The following GNAQ variants were observed in gnomAD, a reference collection of about 807,000 sequenced individuals.
GNAQ encodes the protein guanine nucleotide-binding protein G(q) subunit alpha.
In GNAQ, 8 loss-of-function variants were observed where a neutral mutation model predicts 43.9. The ratio of observed to expected loss-of-function variants is 0.18; its 90% CI spans 0.11 to 0.33. The LOEUF (loss-of-function observed/expected upper bound fraction) is 0.33. Among genes scored for constraint, GNAQ ranks in the 10% least tolerant of loss-of-function variants. The pLI is 1.00. For synonymous variants in GNAQ, 155 were observed against 170.7 expected (o/e 0.91, Z 0.71); for missense variants, 158 against 450.8 (o/e 0.35, Z 5.88).
intron 3 of GNAQ, among the ~76,000 whole-genome samples, chr9:77,810,936 G>A (rs1005036913): frequency 1.3e-5 from 2 of 152,162 alleles, no homozygotes; most frequent in African/African-American, 4.8e-5. Flanking sequence ...GGGTCTTAAA[G>A]GATGAATAGG....
At chr9:78,027,333 A>G (rs958197019) in intron 1 of GNAQ, among the ~76,000 whole-genome samples, 3 of 152,168 alleles carry the variant, frequency 2.0e-5, no homozygotes, top group African/African-American at 7.2e-5. Flanking sequence ...GCAGGAGGGT[A>G]ATAAATAAAT....
chr9:77,822,002 A>C (rs374535808), intron 2 of GNAQ, among the ~76,000 whole-genome samples: 2 of 152,202 alleles, frequency 1.3e-5, no homozygotes, highest in East Asian at 1.9e-4. Context: ...GGTATTTGAC[A>C]AATGGATTCT....
intron 2 of GNAQ, among the ~76,000 whole-genome samples, chr9:77,909,604 C>G (rs564430417): frequency 3.9e-5 from 6 of 151,962 alleles, no homozygotes; most frequent in Admixed American, 2.6e-4. Context: ...TACTGCTCAT[C>G]TCAGCGGGGA....
At chr9:77,807,597 C>T (rs897894180) in intron 3 of GNAQ, among the ~76,000 whole-genome samples, 8 of 152,150 alleles carry the variant, frequency 5.3e-5, no homozygotes, top group Admixed American at 4.6e-4. Flanking sequence ...TCCTACCAAA[C>T]GTTTCATTGT....
At chr9:77,765,167 A>C (rs1826115136) in intron 5 of GNAQ, among the ~76,000 whole-genome samples, 1 of 152,208 alleles carries the variant, frequency 6.6e-6, no homozygotes, top group East Asian at 1.9e-4. Context: ...TATTTAAAAA[A>C]AAAATCAGAA....
intron 5 of GNAQ, among the ~76,000 whole-genome samples, chr9:77,772,086 A>G (rs1334638828): frequency 1.3e-5 from 2 of 152,192 alleles, no homozygotes; most frequent in African/African-American, 4.8e-5. Flanking sequence ...AGAGCACTGT[A>G]CGGTGTAGAC....
chr9:77,770,793 T>C (rs1456067890), intron 5 of GNAQ, among the ~76,000 whole-genome samples: 2 of 152,078 alleles, frequency 1.3e-5, no homozygotes, highest in African/African-American at 4.8e-5. Context: ...ACAAAAAGAT[T>C]GTATATGTTT....
At chr9:77,989,683 T>C (rs1019061339) in intron 1 of GNAQ, among the ~76,000 whole-genome samples, 9 of 152,342 alleles carry the variant, frequency 5.9e-5, no homozygotes, top group African/African-American at 2.2e-4. Context: ...AGCTGACATC[T>C]GGAGCCTTCC....
At chr9:77,828,059 CAAAAAAAAAAA>C (rs71360654) in intron 2 of GNAQ, among the ~76,000 whole-genome samples, 52 of 19,236 alleles carry the variant, frequency 2.7e-3, no homozygotes, top group East Asian at 0.01. Flanking sequence ...GACTCCTCCT[CAAAAAAAAAAA>C]AAAAAAAAAA....
intron 1 of GNAQ, among the ~76,000 whole-genome samples, chr9:77,960,773 C>T (rs1382390760): frequency 6.7e-6 from 1 of 148,260 alleles, no homozygotes; most frequent in Non-Finnish European, 1.5e-5. Context: ...TCACTTTAAC[C>T]TAAAAAAAAT....
chr9:77,886,125 C>T (rs1828301912), intron 2 of GNAQ, among the ~76,000 whole-genome samples: 1 of 151,972 alleles, frequency 6.6e-6, no homozygotes, highest in East Asian at 1.9e-4. Context: ...TACAGGCACG[C>T]CTGGCTAATT....
chr9:77,823,515 T>C (rs187972508), intron 2 of GNAQ, among the ~76,000 whole-genome samples: 26 of 152,246 alleles, frequency 1.7e-4, no homozygotes, highest in Non-Finnish European at 3.5e-4. Flanking sequence ...CACACTGCTA[T>C]AAAGAACTAC....
At chr9:77,761,009 G>A (rs1158963680) in intron 5 of GNAQ, among the ~76,000 whole-genome samples, 22 of 151,666 alleles carry the variant, frequency 1.5e-4, no homozygotes, top group Non-Finnish European at 2.5e-4. Flanking sequence ...CCCTCCGCCC[G>A]GCAGCCGCCC....
intron 2 of GNAQ, among the ~76,000 whole-genome samples, chr9:77,850,582 C>T (rs1450491634): frequency 1.3e-5 from 2 of 152,166 alleles, no homozygotes; most frequent in Non-Finnish European, 2.9e-5. Context: ...CAGCTCCACA[C>T]GATTTACAGG....
At chr9:77,833,300 C>T (rs2118558026) in intron 2 of GNAQ, among the ~76,000 whole-genome samples, 1 of 152,286 alleles carries the variant, frequency 6.6e-6, no homozygotes, top group Middle Eastern at 3.4e-3. Context: ...CATCTACTAG[C>T]TAGACTTTCC....
chr9:77,851,421 T>C (rs1827674789), intron 2 of GNAQ, among the ~76,000 whole-genome samples: 1 of 152,208 alleles, frequency 6.6e-6, no homozygotes, highest in Non-Finnish European at 1.5e-5. Flanking sequence ...TGAGTATTTC[T>C]GCATGAAGAG....
At chr9:77,774,469 G>GA (rs1826276746) in intron 5 of GNAQ, among the ~76,000 whole-genome samples, 1 of 152,040 alleles carries the variant, frequency 6.6e-6, no homozygotes, top group South Asian at 2.1e-4. Flanking sequence ...TAAAAGAAAA[G>GA]AAAAAATAGA....
intron 2 of GNAQ, among the ~76,000 whole-genome samples, chr9:77,829,946 A>C (rs1827270318): frequency 6.6e-6 from 1 of 151,924 alleles, no homozygotes; most frequent in Non-Finnish European, 1.5e-5. Flanking sequence ...CTGAGACATG[A>C]CCAATTTTTT....
At chr9:77,816,606 C>T (rs922747626) in intron 2 of GNAQ, among the ~76,000 whole-genome samples, 1 of 151,922 alleles carries the variant, frequency 6.6e-6, no homozygotes, top group African/African-American at 2.4e-5. Flanking sequence ...TATATATATA[C>T]ACACACATAT....
Sources: gnomAD v4.1 joint callset for allele counts (sites outside exome capture counted in the v4.1 genomes callset) on GRCh38, gnomAD v4.1.1 for gene constraint, MANE v1.5 for transcripts, NCBI Gene and HGNC (gene_info 2026-07-23, HGNC 2026-07-21) for gene names.